Variants in ACMSD observed in about 807,000 individuals in gnomAD.
ACMSD encodes aminocarboxymuconate semialdehyde decarboxylase.
ACMSD carries 37 observed loss-of-function variants against 45.9 expected under a neutral mutation model. That is an observed-to-expected ratio of 0.81 (90% CI 0.62 to 1.06). The LOEUF is 1.06. Among genes scored for constraint, ACMSD ranks in the 50% least tolerant of loss-of-function variants. The pLI is 0.00. For missense variants in ACMSD, 434 were observed against 420.9 expected (o/e 1.03, Z -0.27); for synonymous variants, 138 against 148.8 (o/e 0.93, Z 0.53).
chr2:134,841,092 C>G (rs963787225), intron 1 of ACMSD, among the ~76,000 whole-genome samples: 1 of 152,240 alleles, frequency 6.6e-6, no homozygotes, highest in African/African-American at 2.4e-5. Flanking sequence ...TACACTTCAT[C>G]ATCACCATCT....
chr2:134,885,302 T>TG (rs1559064760), intron 8 of ACMSD, among the ~76,000 whole-genome samples: 1 of 49,658 alleles, frequency 2.0e-5, no homozygotes, highest in African/African-American at 8.7e-5. Flanking sequence ...TATATATATA[T>TG]TTAAATATAT....
chr2:134,892,997 A>G (rs1689885778), intron 8 of ACMSD, among the ~76,000 whole-genome samples: 1 of 152,176 alleles, frequency 6.6e-6, no homozygotes, highest in South Asian at 2.1e-4. Context: ...ATGACAGAGA[A>G]GAAGTAAGTA....
intron 2 of ACMSD, 28 bp from the exon 3 acceptor site, chr2:134,859,233 T>C (rs762282908): frequency 6.2e-7 from 1 of 1,603,548 alleles, no homozygotes; most frequent in East Asian, 2.2e-5. Context: ...TTAGGTTGCA[T>C]TTTAGTAATG....
intron 6 of ACMSD, among the ~76,000 whole-genome samples, chr2:134,868,456 T>TC (rs983281624): frequency 8.1e-5 from 12 of 148,854 alleles, no homozygotes; most frequent in African/African-American, 1.2e-4. Flanking sequence ...TTTTTCTTTT[T>TC]TTTTTTTTTT....
chr2:134,858,714 C>A (rs1301910132), intron 2 of ACMSD, among the ~76,000 whole-genome samples: 1 of 151,990 alleles, frequency 6.6e-6, no homozygotes, highest in East Asian at 1.9e-4. Flanking sequence ...GAAGAAGTAG[C>A]TCAGTACCAA....
At chr2:134,839,297 G>C (rs2156001) in intron 1 of ACMSD, among the ~76,000 whole-genome samples, 1 of 152,100 alleles carries the variant, frequency 6.6e-6, no homozygotes, top group Non-Finnish European at 1.5e-5. Flanking sequence ...CTAGGAAGTA[G>C]GTACATCAAA....
At chr2:134,892,601 C>T (rs1689861271) in intron 8 of ACMSD, among the ~76,000 whole-genome samples, 1 of 152,152 alleles carries the variant, frequency 6.6e-6, no homozygotes, top group African/African-American at 2.4e-5. Context: ...CAATCTCCTG[C>T]CTGTGTTGCT....
chr2:134,891,531 A>G (rs910790371), intron 8 of ACMSD, among the ~76,000 whole-genome samples: 2 of 152,206 alleles, frequency 1.3e-5, no homozygotes, highest in Non-Finnish European at 2.9e-5. Flanking sequence ...TAAAACTACA[A>G]TGAGATATCA....
At chr2:134,854,586 C>T (rs1687493047) in intron 2 of ACMSD, among the ~76,000 whole-genome samples, 1 of 152,234 alleles carries the variant, frequency 6.6e-6, no homozygotes, top group Non-Finnish European at 1.5e-5. Context: ...GTCCCTACTT[C>T]CTCACATTGC....
In ACMSD at chr2:134,872,592, T is replaced by G. The variant is rs754511629; in HGVS notation, c.800T>G (p.Leu267Trp). The G allele has an allele frequency of 1.2e-6, 2 of 1,614,170 alleles. No homozygotes were observed. The highest frequency in any genetic ancestry group is 3.3e-5 in the Admixed American group (2 of 60,012). The change falls in exon 8 of 10, where the codon TTG becomes TGG. Residue 267 changes from leucine (L) to tryptophan (W), a missense_variant. Transcript: ENST00000356140. ...KYLGSFYTDA[L>W]VHDPLSLKLL... ...CTTGGTTCCTTTTACACAGATGCTT[T>G]GGTTCATGATCCTCTGTCCCTCAAG...
chr2:134,880,666 A>G (rs1425150736), intron 8 of ACMSD, among the ~76,000 whole-genome samples: 2 of 151,956 alleles, frequency 1.3e-5, no homozygotes, highest in South Asian at 2.1e-4. Flanking sequence ...TATAGTAAGA[A>G]TTTTAGGAAG....
At chr2:134,867,347 T>C in intron 5 of ACMSD, 1 of 335,660 alleles carries the variant, frequency 3.0e-6, no homozygotes, top group Non-Finnish European at 5.3e-6. Context: ...TCAACCTCAA[T>C]GGTAAATCTA....
At chr2:134,901,376 G>T (rs1263452975) in intron 9 of ACMSD, among the ~76,000 whole-genome samples, 3 of 152,038 alleles carry the variant, frequency 2.0e-5, no homozygotes, top group Non-Finnish European at 4.4e-5. Flanking sequence ...TTTATTTAGG[G>T]CCATGTGAAA....
At chr2:134,890,757 C>T (rs1267109155) in intron 8 of ACMSD, among the ~76,000 whole-genome samples, 1 of 151,688 alleles carries the variant, frequency 6.6e-6, no homozygotes, top group Non-Finnish European at 1.5e-5. Context: ...GCAAAGATGG[C>T]AAAGTATAAA....
At chr2:134,849,963 AACACACACACACAC>A (rs10617563) in intron 2 of ACMSD, among the ~76,000 whole-genome samples, 42 of 145,998 alleles carry the variant, frequency 2.9e-4, no homozygotes, top group African/African-American at 9.6e-4. Context: ...GGGCCTTGGG[AACACACACACACAC>A]ACACACACAC....
intron 8 of ACMSD, among the ~76,000 whole-genome samples, chr2:134,889,992 CTCT>C (rs1005174378): frequency 1.3e-5 from 2 of 151,836 alleles, no homozygotes; most frequent in Admixed American, 1.3e-4. Context: ...ATGAAGAAAT[CTCT>C]TCTTTATAAT....
intron 2 of ACMSD, among the ~76,000 whole-genome samples, chr2:134,856,647 AG>A (rs1687592409): frequency 6.6e-6 from 1 of 152,004 alleles, no homozygotes. Flanking sequence ...ATGTCTTTTC[AG>A]GTCCTTTGCC....
At chr2:134,847,095 G>A (rs1190409121) in intron 2 of ACMSD, among the ~76,000 whole-genome samples, 1 of 152,160 alleles carries the variant, frequency 6.6e-6, no homozygotes, top group African/African-American at 2.4e-5. Flanking sequence ...GGTAGGCAGA[G>A]GCCCAGCCAC....
intron 6 of ACMSD, 53 bp downstream of exon 6, chr2:134,867,725 A>G: frequency 6.9e-7 from 1 of 1,453,386 alleles, no homozygotes; most frequent in Non-Finnish European, 9.6e-7. Flanking sequence ...GGTTTTTCCA[A>G]TCATCTATGG....
Sources: allele counts gnomAD v4.1 joint callset (sites outside exome capture counted in the v4.1 genomes callset), GRCh38; gene constraint gnomAD v4.1.1; transcripts MANE v1.5; gene names NCBI Gene and HGNC (gene_info 2026-07-23, HGNC 2026-07-21).